Variants in KCNH5 observed in about 807,000 individuals in gnomAD.
The protein encoded by KCNH5 is potassium voltage-gated channel subfamily H member 5, also known as voltage-gated delayed rectifier potassium channel KCNH5.
A neutral mutation model predicts 96.1 loss-of-function variants in KCNH5; 46 were observed. The observed-to-expected ratio is 0.48, with a 90% CI of 0.38 to 0.61. The LOEUF is 0.61. KCNH5 is among the 20% of genes least tolerant of loss of function. The pLI is 0.00. For missense variants in KCNH5, 907 were observed against 1,225.8 expected (o/e 0.74, Z 3.88); for synonymous variants, 439 against 449.8 (o/e 0.98, Z 0.30).
In KCNH5 at chr14:62,738,291, T is replaced by C. The variant is rs370248623; in HGVS notation, c.2020-29836A>G. On this transcript the variant is annotated intron_variant, in intron 10 of 10. Transcript: ENST00000322893. ...TCAGAACAACCCACAATTTAAAACA[T>C]ACAAAATGTTTTTTTTCTAGAATTT... 5.9e-5 allele frequency among the ~76,000 whole-genome samples: 9 copies of C among 152,122 alleles called. No homozygotes were observed. The East Asian group carries it at 1.3e-3, about 23-fold the overall frequency.
At chr14:62,808,371 T>C (rs189495407) in intron 8 of KCNH5, among the ~76,000 whole-genome samples, 49 of 152,290 alleles carry the variant, frequency 3.2e-4, no homozygotes, top group Non-Finnish European at 5.3e-4. Context: ...TATTCAGTTT[T>C]TCTGTAAATT....
chr14:63,033,662 T>C (rs1306417308), intron 1 of KCNH5, among the ~76,000 whole-genome samples: 5 of 152,194 alleles, frequency 3.3e-5, no homozygotes, highest in Admixed American at 3.3e-4. Flanking sequence ...CTCACAAATG[T>C]TTTATGAATA....
chr14:62,873,247 T>G (rs1246324233), intron 7 of KCNH5, among the ~76,000 whole-genome samples: 1 of 151,814 alleles, frequency 6.6e-6, no homozygotes, highest in Non-Finnish European at 1.5e-5. Context: ...TACCCTCAAG[T>G]GTAAAAATTA....
chr14:62,748,615 C>T (rs2139942401), intron 10 of KCNH5, among the ~76,000 whole-genome samples: 1 of 152,128 alleles, frequency 6.6e-6, no homozygotes, highest in Non-Finnish European at 1.5e-5. Context: ...GGATGAAGAT[C>T]CGTCTTCTGT....
rs528588436 is a variant in KCNH5 at position 62,906,867 on chromosome 14, T to C, written c.1369+43266A>G. Reference sequence around the variant, plus strand: ...AGAGTTTACTGTACTTGAGAAGGAATCAGAATCCAACCGACCCCAAAGTGT... The same window carrying C: ...AGAGTTTACTGTACTTGAGAAGGAACCAGAATCCAACCGACCCCAAAGTGT... On this transcript the variant is annotated intron_variant, in intron 7 of 10. Coordinates refer to ENST00000322893, the MANE Select transcript of KCNH5 (RefSeq NM_139318.5). Among the ~76,000 whole-genome samples, 7 of 152,280 alleles carry C rather than the reference T, an allele frequency of 4.6e-5. No individual in the cohort carries two copies. In the South Asian group the frequency reaches 1.5e-3, roughly 32 times the overall value.
In KCNH5 at chr14:62,795,259, A is replaced by G. The variant is rs1595625456; in HGVS notation, c.1822+7070T>C. Among the ~76,000 whole-genome samples, 3 of 152,300 alleles carry G rather than the reference A, an allele frequency of 2.0e-5. No homozygotes were observed. The East Asian group carries it at 5.8e-4, about 29-fold the overall frequency. On this transcript the variant is annotated intron_variant, in intron 9 of 10. Coordinates refer to ENST00000322893, the MANE Select transcript of KCNH5 (RefSeq NM_139318.5). Reference sequence around the variant, plus strand: ...ACACAACATATTTTTCTGGGTACCCAGAACTGAAACAATTATGAAAACAGT... The same window carrying G: ...ACACAACATATTTTTCTGGGTACCCGGAACTGAAACAATTATGAAAACAGT...
chr14:62,878,244 G>A (rs942169380), intron 7 of KCNH5, among the ~76,000 whole-genome samples: 2 of 151,058 alleles, frequency 1.3e-5, no homozygotes, highest in African/African-American at 4.9e-5. Flanking sequence ...TATACCTAAT[G>A]CTAAATGACT....
At chr14:62,787,419 G>C (rs1886340853) in intron 9 of KCNH5, among the ~76,000 whole-genome samples, 1 of 152,112 alleles carries the variant, frequency 6.6e-6, no homozygotes. Flanking sequence ...ATAAAGTTTA[G>C]GAAAAGGAAC....
intron 7 of KCNH5, among the ~76,000 whole-genome samples, chr14:62,942,811 C>CCCA (rs1464381721): frequency 2.0e-5 from 3 of 152,122 alleles, no homozygotes; most frequent in African/African-American, 7.2e-5. Flanking sequence ...CCAATTAAAC[C>CCCA]CCAGCAATTT....
rs1044884625 is a variant in KCNH5 at position 62,704,409 on chromosome 14, T to C, written c.*3099A>G. On this transcript the variant is annotated 3_prime_UTR_variant, in exon 11 of 11. Coordinates refer to ENST00000322893, the MANE Select transcript of KCNH5 (RefSeq NM_139318.5). Reference sequence around the variant, plus strand: ...CTTTGGTATTGTCATCTGGCTTTTGTGTGCCTATTTGCTTTTTATCATAAT... The same window carrying C: ...CTTTGGTATTGTCATCTGGCTTTTGCGTGCCTATTTGCTTTTTATCATAAT... 2 of 151,926 alleles carry C rather than the reference T, an allele frequency of 1.3e-5. No homozygotes were observed. Among genetic ancestry groups the C allele is most frequent in the African/African-American group, 4.8e-5 (2 of 41,444 alleles). The allele number at this position is 151,926 out of a possible 1,614,324, so 9.4% of individuals were successfully genotyped here.
intron 10 of KCNH5, among the ~76,000 whole-genome samples, chr14:62,760,128 T>A (rs971653420): frequency 3.3e-5 from 5 of 152,160 alleles, no homozygotes; most frequent in Admixed American, 2.0e-4. Flanking sequence ...TCACCTTTGC[T>A]GGCACAGGAG....
chr14:62,710,327 A>G (rs57647623), intron 10 of KCNH5, among the ~76,000 whole-genome samples: 3,384 of 152,328 alleles, frequency 0.022, 97 homozygotes, highest in African/African-American at 0.073. Flanking sequence ...GGCACATGAA[A>G]TTGGGTCTTT....
chr14:62,873,732 G>A lies in KCNH5; in HGVS notation c.1370-23880C>T, dbSNP rs552147909. ...AAAATCCTCCTCAATATTTTTCCCC[G>A]CAATGAAAGGAACAAAGTGGTCTAG... On this transcript the variant is annotated intron_variant, in intron 7 of 10. Coordinates refer to ENST00000322893, the MANE Select transcript of KCNH5 (RefSeq NM_139318.5). Among the ~76,000 whole-genome samples the A allele has an allele frequency of 1.9e-3, 294 of 151,942 alleles. 1 individual carries two copies. Among genetic ancestry groups the A allele is most frequent in the African/African-American group, 6.3e-3 (259 of 41,428 alleles).
intron 10 of KCNH5, among the ~76,000 whole-genome samples, chr14:62,710,100 G>A (rs1332194511): frequency 1.3e-5 from 2 of 152,168 alleles, no homozygotes; most frequent in Non-Finnish European, 2.9e-5. Context: ...GCTGCCTGGA[G>A]TAACATATAA....
At chr14:62,831,564 G>A (rs1887350027) in intron 8 of KCNH5, among the ~76,000 whole-genome samples, 1 of 151,962 alleles carries the variant, frequency 6.6e-6, no homozygotes, top group Admixed American at 6.6e-5. Flanking sequence ...TTTCTATTAT[G>A]TTATCCATAT....
At chr14:62,969,462 A>C (rs952856240) in intron 6 of KCNH5, among the ~76,000 whole-genome samples, 1 of 152,182 alleles carries the variant, frequency 6.6e-6, no homozygotes, top group African/African-American at 2.4e-5. Context: ...GCCAAAAGCT[A>C]ATTCTTTGAA....
intron 10 of KCNH5, among the ~76,000 whole-genome samples, chr14:62,752,812 C>A (rs576153318): frequency 6.6e-6 from 1 of 152,290 alleles, no homozygotes; most frequent in East Asian, 1.9e-4. Context: ...CTCTCTCCTG[C>A]CACCTTGTGA....
At chr14:62,797,941 T>C (rs1439086715) in intron 9 of KCNH5, among the ~76,000 whole-genome samples, 1 of 152,094 alleles carries the variant, frequency 6.6e-6, no homozygotes, top group African/African-American at 2.4e-5. Context: ...GGTCTCCAAG[T>C]CCTGACCTCA....
At position 62,808,528 on chromosome 14, in the gene KCNH5, TG is replaced by T. The variant is rs919200854; in HGVS notation, c.1570-5948del. Among the ~76,000 whole-genome samples the T allele has an allele frequency of 2.6e-5, 4 of 152,244 alleles. No individual in the cohort carries two copies. In the East Asian group the frequency reaches 7.7e-4, roughly 29 times the overall value. ...GAGTTAATATGTCTATAAAGTTTTA[TG>T]AAAAATTCAGTTTAACATTAATAGT... On this transcript the variant is annotated intron_variant, in intron 8 of 10. Transcript: ENST00000322893.
Sources: gnomAD v4.1 joint callset for allele counts (sites outside exome capture counted in the v4.1 genomes callset) on GRCh38, gnomAD v4.1.1 for gene constraint, MANE v1.5 for transcripts, NCBI Gene and HGNC (gene_info 2026-07-23, HGNC 2026-07-21) for gene names.